Variants in PRPSAP2 observed in about 807,000 individuals in gnomAD.
The protein encoded by PRPSAP2 is phosphoribosyl pyrophosphate synthetase associated protein 2.
PRPSAP2 carries 24 observed loss-of-function variants against 40.6 expected under a neutral mutation model. The ratio of observed to expected loss-of-function variants is 0.59; its 90% CI spans 0.43 to 0.83. The LOEUF (loss-of-function observed/expected upper bound fraction) is 0.83, where lower values mean the gene tolerates loss of function less well. PRPSAP2 is among the 40% of genes least tolerant of loss of function. The probability of loss-of-function intolerance (pLI) is 0.00; values close to 1 mark genes in which losing one functional copy is unlikely to be tolerated. For missense variants in PRPSAP2, 292 were observed against 465.6 expected, an observed-to-expected ratio of 0.63 and a Z score of 3.43; for synonymous variants, 149 against 164.7, an observed-to-expected ratio of 0.90 and a Z score of 0.73.
chr17:18,896,014 C>G (rs573489845), intron 8 of PRPSAP2, among the ~76,000 whole-genome samples: 1 of 152,090 alleles, frequency 6.6e-6, no homozygotes, highest in Non-Finnish European at 1.5e-5. Context: ...AAGCAATCTT[C>G]CTGCCTTGGG....
At chr17:18,881,764 G>C (rs1049095523) in intron 6 of PRPSAP2, among the ~76,000 whole-genome samples, 7 of 151,506 alleles carry the variant, frequency 4.6e-5, no homozygotes, top group Non-Finnish European at 1.0e-4. Context: ...AAACTCCTGA[G>C]CTCAAGCAGT....
intron 8 of PRPSAP2, among the ~76,000 whole-genome samples, chr17:18,896,361 C>G (rs184529881): frequency 6.6e-6 from 1 of 152,124 alleles, no homozygotes; most frequent in Non-Finnish European, 1.5e-5. Flanking sequence ...ATCTCCCACT[C>G]TCTTCAAGGT....
chr17:18,920,304 C>T (rs1246746541), intron 9 of PRPSAP2, among the ~76,000 whole-genome samples: 1 of 152,144 alleles, frequency 6.6e-6, no homozygotes. Context: ...GGACTCTGGA[C>T]TGCAGACACT....
At position 18,892,723 on chromosome 17, in the gene PRPSAP2, G is replaced by T. The variant is rs1276251823; in HGVS notation, c.584+2846G>T. 5.9e-3 allele frequency among the ~76,000 whole-genome samples: 506 copies of T among 85,048 alleles called. 6 individuals carry two copies. The highest frequency in any genetic ancestry group is 0.013 in the Middle Eastern group (2 of 160). 55.8% of individuals were successfully genotyped at this position (85,048 alleles called of 152,430 possible). On this transcript the variant is annotated intron_variant, in intron 8 of 11. Coordinates refer to ENST00000268835, the MANE Select transcript of PRPSAP2 (RefSeq NM_002767.4). ...TGTGTGTGTGTGTGTGTGTGTGTGTGTGTGTATTTATTTATTTATTTATTT... is the reference window on the plus strand; with the variant it reads ...TGTGTGTGTGTGTGTGTGTGTGTGTTTGTGTATTTATTTATTTATTTATTT...
At chr17:18,875,604 C>T (rs1385769411) in intron 5 of PRPSAP2, among the ~76,000 whole-genome samples, 1 of 151,532 alleles carries the variant, frequency 6.6e-6, no homozygotes, top group African/African-American at 2.4e-5. Context: ...TGGCTTACAC[C>T]TATAATCCCA....
In PRPSAP2 at chr17:18,930,630, G is replaced by A; in HGVS notation, c.1042G>A (p.Ala348Thr). The change falls in exon 12 of 12, where the codon GCG becomes ACG. Residue 348 changes from alanine to threonine, a missense_variant. Coordinates refer to ENST00000268835, the MANE Select transcript of PRPSAP2 (RefSeq NM_002767.4). Reference sequence around the variant, plus strand: ...GGATATCAGCATGATCCTTTCAGAGGCGATCCGTCGGATCCACAATGGGGA... The same window carrying A: ...GGATATCAGCATGATCCTTTCAGAGACGATCCGTCGGATCCACAATGGGGA... ...TVDISMILSE[A>T]IRRIHNGESM... 1 of 1,613,852 alleles carries A rather than the reference G, an allele frequency of 6.2e-7. No individual in the cohort carries two copies. Among genetic ancestry groups the A allele is most frequent in the Non-Finnish European group, 8.5e-7 (1 of 1,179,826 alleles).
rs2037986607 is a variant in PRPSAP2 at position 18,872,800 on chromosome 17, A to G, written c.239+151A>G. On this transcript the variant is annotated intron_variant, in intron 5 of 11. Coordinates refer to ENST00000268835, the MANE Select transcript of PRPSAP2 (RefSeq NM_002767.4). ...AATTTAGAAAACTAAGTTTTCTGAC[A>G]TAACTGCTGACTTTTACATGTTCTT... is the stretch of plus-strand genomic sequence containing the variant. 12 of 633,146 alleles carry G rather than the reference A, an allele frequency of 1.9e-5. No homozygotes were observed. The South Asian group carries it at 2.6e-4, about 14-fold the overall frequency. The allele number at this position is 633,146 out of a possible 1,614,324, so 39.2% of individuals were successfully genotyped here.
intron 8 of PRPSAP2, among the ~76,000 whole-genome samples, chr17:18,909,680 A>G (rs1439826540): frequency 1.3e-5 from 2 of 151,808 alleles, no homozygotes; most frequent in East Asian, 2.0e-4. Flanking sequence ...CACGGTGGGC[A>G]GATCATCTGA....
chr17:18,925,048 A>C (rs1161670141), intron 10 of PRPSAP2, among the ~76,000 whole-genome samples: 1 of 150,614 alleles, frequency 6.6e-6, no homozygotes, highest in African/African-American at 2.4e-5. Context: ...TGAATCTGGG[A>C]GGCGGAGGTT....
intron 9 of PRPSAP2, among the ~76,000 whole-genome samples, chr17:18,913,964 A>C (rs2041133021): frequency 6.6e-6 from 1 of 151,538 alleles, no homozygotes; most frequent in African/African-American, 2.4e-5. Flanking sequence ...TCACGAGGTC[A>C]GGAGATCAAG....
chr17:18,887,872 A>T (rs2039281294), intron 7 of PRPSAP2, among the ~76,000 whole-genome samples: 1 of 90,480 alleles, frequency 1.1e-5, no homozygotes, highest in Non-Finnish European at 2.4e-5. Flanking sequence ...TTTTATTGAT[A>T]ATTCTTGGGT....
rs1417737337 is a variant in PRPSAP2 at position 18,865,459 on chromosome 17, G to C, written c.-128-10G>C. 2 of 152,506 alleles carry C rather than the reference G, an allele frequency of 1.3e-5. No individual in the cohort carries two copies. The highest frequency in any genetic ancestry group is 2.9e-5 in the Non-Finnish European group (2 of 68,252). The allele number at this position is 152,506 out of a possible 1,614,324, so 9.4% of individuals were successfully genotyped here. Reference sequence around the variant, plus strand: ...TAATGGCTCTGCCATTTTTCTGTGTGTTAATCCAGGAGGAATTTTGTTGTC... The same window carrying C: ...TAATGGCTCTGCCATTTTTCTGTGTCTTAATCCAGGAGGAATTTTGTTGTC... On this transcript the variant is annotated splice_polypyrimidine_tract_variant and intron_variant, in intron 1 of 11. Transcript: ENST00000268835.
intron 8 of PRPSAP2, among the ~76,000 whole-genome samples, chr17:18,910,041 G>C (rs966020719): frequency 6.6e-6 from 1 of 152,160 alleles, no homozygotes; most frequent in Admixed American, 6.6e-5. Flanking sequence ...TATTCACCCA[G>C]CAGAATATTA....
intron 9 of PRPSAP2, among the ~76,000 whole-genome samples, chr17:18,915,155 G>A (rs1392950077): frequency 6.6e-6 from 1 of 151,594 alleles, no homozygotes; most frequent in Non-Finnish European, 1.5e-5. Context: ...CTCCCAAATA[G>A]CTGGGACTGC....
intron 5 of PRPSAP2, 150 bp downstream of exon 5, chr17:18,872,799 C>A: frequency 1.6e-6 from 1 of 629,232 alleles, no homozygotes; most frequent in Non-Finnish European, 2.8e-6. Flanking sequence ...AGTTTTCTGA[C>A]ATAACTGCTG....
chr17:18,871,849 G>C lies in PRPSAP2; in HGVS notation c.173-734G>C, dbSNP rs150091409. ...CTAATTTTGTATTTTTAGTAGAGAC[G>C]GGGTTTCTCTATGTTGGTCAGGCTG... On this transcript the variant is annotated intron_variant, in intron 4 of 11. Transcript: ENST00000268835. 1.6e-3 allele frequency among the ~76,000 whole-genome samples: 246 copies of C among 151,304 alleles called. 2 individuals carry two copies. The highest frequency in any genetic ancestry group is 5.7e-3 in the African/African-American group (235 of 41,342).
chr17:18,906,075 T>C lies in PRPSAP2; in HGVS notation c.585-5028T>C, dbSNP rs1202372345. ...ACACACATAGATAAATATATTTTACTGACTTCACTGTTTTTGACCTGAACA... is the reference window on the plus strand; with the variant it reads ...ACACACATAGATAAATATATTTTACCGACTTCACTGTTTTTGACCTGAACA... On this transcript the variant is annotated intron_variant, in intron 8 of 11. Transcript: ENST00000268835. Among the ~76,000 whole-genome samples, 4 of 152,378 alleles carry C rather than the reference T, an allele frequency of 2.6e-5. No individual in the cohort carries two copies. The East Asian group carries it at 7.7e-4, about 29-fold the overall frequency.
chr17:18,880,413 T>A (rs559770259), intron 6 of PRPSAP2, among the ~76,000 whole-genome samples: 1 of 152,320 alleles, frequency 6.6e-6, no homozygotes, highest in East Asian at 1.9e-4. Flanking sequence ...TATCTTTTTT[T>A]TTCCCCATGG....
chr17:18,863,257 T>G (rs931559486), intron 1 of PRPSAP2, among the ~76,000 whole-genome samples: 1 of 151,900 alleles, frequency 6.6e-6, no homozygotes, highest in African/African-American at 2.4e-5. Context: ...TCCCACCTCA[T>G]TTTTTGATTT....
Sources: allele counts gnomAD v4.1 joint callset (sites outside exome capture counted in the v4.1 genomes callset), GRCh38; gene constraint gnomAD v4.1.1; transcripts MANE v1.5; gene names NCBI Gene and HGNC (gene_info 2026-07-23, HGNC 2026-07-21).